The following ZNF827 variants were observed in gnomAD, a reference collection of about 807,000 sequenced individuals.
ZNF827 encodes the protein zinc finger protein 827.
A neutral mutation model predicts 102.4 loss-of-function variants in ZNF827; 13 were observed. That is an observed-to-expected ratio of 0.13 (90% CI 0.08 to 0.20). The LOEUF (loss-of-function observed/expected upper bound fraction) is 0.20, where lower values mean the gene tolerates loss of function less well. Among genes scored for constraint, ZNF827 ranks in the 10% least tolerant of loss-of-function variants. ZNF827 has a pLI of 1.00. For missense variants in ZNF827, 1,103 were observed against 1,344.4 expected (o/e 0.82, Z 2.81); for synonymous variants, 523 against 536.2 (o/e 0.98, Z 0.34).
At position 145,824,585 on chromosome 4, in the gene ZNF827, C is replaced by A. The variant is rs189261698; in HGVS notation, c.2280-1060G>T. Among the ~76,000 whole-genome samples the A allele has an allele frequency of 1.2e-4, 19 of 152,280 alleles. No individual in the cohort carries two copies. In the East Asian group the frequency reaches 2.5e-3, roughly 20 times the overall value. On this transcript the variant is annotated intron_variant, in intron 7 of 14. Transcript: ENST00000508784. ...AGCCGAAGCACCAGAGGAGATGCAG[C>A]TGCCATGGGAGACAGAGAGGGAGTG... is the stretch of plus-strand genomic sequence containing the variant.
chr4:145,802,170 C>A (rs1740976008), intron 8 of ZNF827, among the ~76,000 whole-genome samples: 2 of 152,168 alleles, frequency 1.3e-5, no homozygotes, highest in South Asian at 2.1e-4. Flanking sequence ...TAAAAAATTT[C>A]TTCTCTTTCC....
chr4:145,895,180 T>C (rs1203379810), intron 2 of ZNF827, among the ~76,000 whole-genome samples: 2 of 152,172 alleles, frequency 1.3e-5, no homozygotes, highest in East Asian at 1.9e-4. Context: ...TGAGATTTCA[T>C]GGCACACCAT....
At chr4:145,842,083 T>C (rs1745476180) in intron 7 of ZNF827, among the ~76,000 whole-genome samples, 1 of 152,194 alleles carries the variant, frequency 6.6e-6, no homozygotes, top group Admixed American at 6.5e-5. Flanking sequence ...TGACAGATAC[T>C]TCTGTATATG....
Position 145,938,472 on chromosome 4 carries a change from A to C in ZNF827, c.-65T>G, listed in dbSNP as rs1162700168. On this transcript the variant is annotated 5_prime_UTR_variant, in exon 1 of 15. Coordinates refer to ENST00000508784, the MANE Select transcript of ZNF827 (RefSeq NM_001306215.2). Reference sequence around the variant, plus strand: ...AGATCAAATAAACCCCCGTGGGGGCAGAGAGGCAGACACTGGCAGGAGCGG... The same window carrying C: ...AGATCAAATAAACCCCCGTGGGGGCCGAGAGGCAGACACTGGCAGGAGCGG... 7.8e-6 allele frequency: 9 copies of C among 1,158,138 alleles called. No individual in the cohort carries two copies. Among genetic ancestry groups the C allele is most frequent in the Non-Finnish European group, 1.0e-5 (9 of 879,940 alleles). The allele number at this position is 1,158,138 out of a possible 1,614,324, so 71.7% of individuals were successfully genotyped here.
At chr4:145,788,702 G>T (rs1029018621) in intron 8 of ZNF827, among the ~76,000 whole-genome samples, 1 of 152,124 alleles carries the variant, frequency 6.6e-6, no homozygotes, top group Non-Finnish European at 1.5e-5. Context: ...TAAAGGACCT[G>T]GTTATTATCT....
At chr4:145,848,704 G>A (rs1746222489) in intron 6 of ZNF827, among the ~76,000 whole-genome samples, 1 of 152,160 alleles carries the variant, frequency 6.6e-6, no homozygotes. Context: ...AACAACTTAG[G>A]TACTGGGATC....
intron 1 of ZNF827, among the ~76,000 whole-genome samples, chr4:145,911,825 C>T (rs1752319326): frequency 6.6e-6 from 1 of 152,188 alleles, no homozygotes; most frequent in Non-Finnish European, 1.5e-5. Context: ...CTAGAACAAG[C>T]CACTGCATAC....
intron 2 of ZNF827, among the ~76,000 whole-genome samples, chr4:145,894,824 A>T (rs570159551): frequency 6.6e-6 from 1 of 152,230 alleles, no homozygotes; most frequent in South Asian, 2.1e-4. Context: ...GCCTCTGCCG[A>T]TCTGGAGTCC....
chr4:145,827,025 G>A (rs145869985), intron 7 of ZNF827, among the ~76,000 whole-genome samples: 47 of 152,154 alleles, frequency 3.1e-4, no homozygotes, highest in African/African-American at 9.6e-4. Context: ...GGGATTACAG[G>A]CATGAGCCAC....
intron 2 of ZNF827, among the ~76,000 whole-genome samples, chr4:145,900,951 G>A (rs575748570): frequency 6.6e-6 from 1 of 152,190 alleles, no homozygotes; most frequent in Non-Finnish European, 1.5e-5. Flanking sequence ...CAGAAACTCT[G>A]GAGAGAACAG....
intron 4 of ZNF827, among the ~76,000 whole-genome samples, chr4:145,872,853 T>C (rs1010382531): frequency 2.0e-5 from 3 of 149,940 alleles, no homozygotes; most frequent in Non-Finnish European, 4.4e-5. Flanking sequence ...CCAGCCTGGG[T>C]GACGGAGCGA....
chr4:145,765,782 T>C lies in ZNF827; in HGVS notation c.2861-44A>G, dbSNP rs369547971. 786 of 1,582,548 alleles carry C rather than the reference T, an allele frequency of 5.0e-4. 1 individual carries two copies. The highest frequency in any genetic ancestry group is 6.4e-4 in the Non-Finnish European group (748 of 1,162,252). The stretch of plus-strand genomic sequence containing the variant: ...ACCCAGTCTGTTAATGAGATGAAAA[T>C]CCTCAGAATTATAGCAACTGAGGGT... On this transcript the variant is annotated intron_variant, in intron 11 of 14. Coordinates refer to ENST00000508784, the MANE Select transcript of ZNF827 (RefSeq NM_001306215.2). The surrounding 1 kb of genome is among the most constrained non-coding windows in gnomAD (Gnocchi z 4.7).
intron 1 of ZNF827, among the ~76,000 whole-genome samples, chr4:145,923,888 A>G (rs1753246520): frequency 6.6e-6 from 1 of 152,214 alleles, no homozygotes; most frequent in Non-Finnish European, 1.5e-5. Context: ...GGGTCCTGGT[A>G]AAAAGGTCCT....
intron 2 of ZNF827, among the ~76,000 whole-genome samples, chr4:145,901,549 G>T (rs1751415107): frequency 6.6e-6 from 1 of 152,178 alleles, no homozygotes; most frequent in Non-Finnish European, 1.5e-5. Context: ...GCATTCACAG[G>T]AAATGTGTTG....
chr4:145,781,420 T>C (rs1738042030), intron 8 of ZNF827, among the ~76,000 whole-genome samples: 1 of 152,026 alleles, frequency 6.6e-6, no homozygotes, highest in Admixed American at 6.6e-5. Context: ...TGAATATATG[T>C]CTGGAAATGG....
intron 6 of ZNF827, among the ~76,000 whole-genome samples, chr4:145,846,583 G>A (rs7376563): frequency 0.2 from 28,523 of 143,552 alleles, 3,432 homozygotes; most frequent in East Asian, 0.64. Flanking sequence ...TTGGGAGGCC[G>A]AGGCAGGTGG....
Position 145,772,411 on chromosome 4 carries a change from G to A in ZNF827, c.2860+2095C>T, listed in dbSNP as rs1736425351. On this transcript the variant is annotated intron_variant, in intron 11 of 14. Coordinates refer to ENST00000508784, the MANE Select transcript of ZNF827 (RefSeq NM_001306215.2). Reference sequence around the variant, plus strand: ...AGATTGATCTATTTTGGGTCAAACTGAAACATCTCAAAACTATACTAAATA... The same window carrying A: ...AGATTGATCTATTTTGGGTCAAACTAAAACATCTCAAAACTATACTAAATA... 2.6e-5 allele frequency among the ~76,000 whole-genome samples: 4 copies of A among 152,168 alleles called. No individual in the cohort carries two copies. In the South Asian group the frequency reaches 8.3e-4, roughly 32 times the overall value.
chr4:145,761,555 C>G lies in ZNF827; in HGVS notation c.*61G>C, dbSNP rs1488330261. ...TTGTAGTGGGTCTTGAGGTGGCACTCCATGGCAGCGGGGCGGTTGGTGGAA... is the reference window on the plus strand; with the variant it reads ...TTGTAGTGGGTCTTGAGGTGGCACTGCATGGCAGCGGGGCGGTTGGTGGAA... On this transcript the variant is annotated 3_prime_UTR_variant, in exon 15 of 15. Transcript: ENST00000508784. This position sits in a 1 kb window ranked among gnomAD's most constrained non-coding sequence, Gnocchi z 6.8. 7.8e-7 allele frequency: 1 copy of G among 1,280,800 alleles called. No individual in the cohort carries two copies. Among genetic ancestry groups the G allele is most frequent in the African/African-American group, 1.5e-5 (1 of 65,704 alleles). 79.3% of individuals were successfully genotyped at this position (1,280,800 alleles called of 1,614,324 possible).
At chr4:145,817,361 A>G (rs1010527265) in intron 8 of ZNF827, among the ~76,000 whole-genome samples, 26 of 152,358 alleles carry the variant, frequency 1.7e-4, no homozygotes, top group African/African-American at 6.0e-4. Flanking sequence ...TTACAGTGCC[A>G]TAACAGATGT....
Sources: gnomAD v4.1 joint callset for allele counts (sites outside exome capture counted in the v4.1 genomes callset) on GRCh38, gnomAD v4.1.1 for gene constraint, Gnocchi (gnomAD v3.1) non-coding constraint, MANE v1.5 for transcripts, NCBI Gene and HGNC (gene_info 2026-07-23, HGNC 2026-07-21) for gene names.